The following ERC2 variants were observed in gnomAD, a reference collection of about 807,000 sequenced individuals.
ERC2 encodes ERC protein 2.
A neutral mutation model predicts 114.8 loss-of-function variants in ERC2; 42 were observed. The ratio of observed to expected loss-of-function variants is 0.37; its 90% CI spans 0.29 to 0.47. ERC2 has a LOEUF of 0.47. Among genes scored for constraint, ERC2 ranks in the 20% least tolerant of loss-of-function variants. ERC2 has a pLI of 0.99. For synonymous variants in ERC2, 454 were observed against 425.5 expected (o/e 1.07, Z -0.82); for missense variants, 939 against 1,150.7 (o/e 0.82, Z 2.66).
intron 15 of ERC2, among the ~76,000 whole-genome samples, chr3:55,709,721 A>C (rs1307586731): frequency 6.6e-6 from 1 of 152,190 alleles, no homozygotes; most frequent in African/African-American, 2.4e-5. Flanking sequence ...AAAACAAAAC[A>C]AATGACCCCC....
chr3:55,525,657 G>A (rs1228992408), intron 17 of ERC2, among the ~76,000 whole-genome samples: 5 of 152,184 alleles, frequency 3.3e-5, no homozygotes, highest in Non-Finnish European at 5.9e-5. Flanking sequence ...CATGGAATGG[G>A]AAGGGGGGAG....
chr3:56,284,279 C>A (rs2054539863), intron 3 of ERC2, among the ~76,000 whole-genome samples: 1 of 152,116 alleles, frequency 6.6e-6, no homozygotes, highest in Non-Finnish European at 1.5e-5. Context: ...GCATAAAAAG[C>A]CAAATGTGAG....
chr3:56,408,555 G>A (rs1272427508), intron 2 of ERC2, among the ~76,000 whole-genome samples: 1 of 152,100 alleles, frequency 6.6e-6, no homozygotes, highest in Non-Finnish European at 1.5e-5. Flanking sequence ...ACAATGCCTG[G>A]AGAGCCATCA....
chr3:55,833,844 T>C (rs2060735442), intron 14 of ERC2, among the ~76,000 whole-genome samples: 1 of 152,214 alleles, frequency 6.6e-6, no homozygotes, highest in Non-Finnish European at 1.5e-5. Flanking sequence ...GACCCATCTG[T>C]CTGCTGTATT....
intron 3 of ERC2, among the ~76,000 whole-genome samples, chr3:56,270,175 A>C (rs2053569114): frequency 1.4e-5 from 2 of 147,964 alleles, no homozygotes. Flanking sequence ...CACCTAAAAA[A>C]AAAAAAGAAA....
At chr3:55,676,775 G>A (rs1205075345) in intron 17 of ERC2, among the ~76,000 whole-genome samples, 1 of 152,134 alleles carries the variant, frequency 6.6e-6, no homozygotes, top group Non-Finnish European at 1.5e-5. Context: ...TGACAAAAGG[G>A]TGGGAGAGCC....
chr3:55,969,998 G>A (rs1431270382), intron 12 of ERC2, among the ~76,000 whole-genome samples: 1 of 152,110 alleles, frequency 6.6e-6, no homozygotes, highest in Non-Finnish European at 1.5e-5. Context: ...TTCAAGGTAA[G>A]CATCCATTTC....
At chr3:56,450,447 G>A (rs1027239159) in intron 1 of ERC2, among the ~76,000 whole-genome samples, 2 of 152,040 alleles carry the variant, frequency 1.3e-5, no homozygotes, top group Admixed American at 6.5e-5. Flanking sequence ...ATTTCAAAGT[G>A]TTAAATTAAG....
At chr3:55,972,099 C>A (rs2069202460) in intron 12 of ERC2, among the ~76,000 whole-genome samples, 1 of 152,118 alleles carries the variant, frequency 6.6e-6, no homozygotes, top group South Asian at 2.1e-4. Context: ...TCCATCCATC[C>A]ACCTAGTCAT....
chr3:56,392,658 G>A (rs943276035), intron 2 of ERC2, among the ~76,000 whole-genome samples: 5 of 152,022 alleles, frequency 3.3e-5, no homozygotes, highest in African/African-American at 9.7e-5. Context: ...GCTCTATATA[G>A]GGTTAAAATA....
intron 15 of ERC2, among the ~76,000 whole-genome samples, chr3:55,725,002 G>A (rs1469945457): frequency 6.6e-6 from 1 of 152,214 alleles, no homozygotes; most frequent in Admixed American, 6.5e-5. Context: ...TTTAAAAATA[G>A]AGCACAGATG....
intron 12 of ERC2, among the ~76,000 whole-genome samples, chr3:55,977,530 A>C (rs1244804299): frequency 2.0e-5 from 3 of 152,348 alleles, no homozygotes; most frequent in Admixed American, 6.5e-5. Context: ...ACTGCACTTA[A>C]GGGTCATTTT....
chr3:56,191,670 G>A (rs2047793423), intron 3 of ERC2, among the ~76,000 whole-genome samples: 1 of 152,072 alleles, frequency 6.6e-6, no homozygotes, highest in East Asian at 1.9e-4. Context: ...CTAGAAAGAT[G>A]TTGCACATCA....
intron 3 of ERC2, among the ~76,000 whole-genome samples, chr3:56,246,179 G>A (rs142785903): frequency 6.6e-6 from 1 of 150,824 alleles, no homozygotes; most frequent in East Asian, 2.0e-4. Flanking sequence ...GCTTTTCTTG[G>A]CTAATTTATC....
intron 13 of ERC2, among the ~76,000 whole-genome samples, chr3:55,895,400 AG>A (rs1180263530): frequency 1.3e-5 from 2 of 152,260 alleles, no homozygotes; most frequent in Non-Finnish European, 2.9e-5. Context: ...TCCCCTTTAA[AG>A]TGGAGAGGAA....
chr3:55,522,600 C>T (rs922256312), intron 17 of ERC2, among the ~76,000 whole-genome samples: 1 of 149,520 alleles, frequency 6.7e-6, no homozygotes, highest in Non-Finnish European at 1.5e-5. Context: ...AATCTGAGGC[C>T]AGTCACATTT....
At chr3:55,804,138 G>A (rs970477942) in intron 14 of ERC2, among the ~76,000 whole-genome samples, 4 of 152,184 alleles carry the variant, frequency 2.6e-5, no homozygotes, top group African/African-American at 9.7e-5. Flanking sequence ...AAGGGATTAA[G>A]AGATTGAAAA....
intron 17 of ERC2, among the ~76,000 whole-genome samples, chr3:55,615,863 C>T (rs939988304): frequency 4.6e-5 from 7 of 152,294 alleles, no homozygotes; most frequent in Admixed American, 1.3e-4. Context: ...GCCATTTGGC[C>T]GGAGGGCTCT....
intron 7 of ERC2, among the ~76,000 whole-genome samples, chr3:56,064,197 C>T (rs186117954): frequency 5.0e-4 from 76 of 152,250 alleles, no homozygotes; most frequent in Admixed American, 4.3e-3. Flanking sequence ...TTCATACCTG[C>T]CATCTACCTG....
Sources: gnomAD v4.1 joint callset for allele counts (sites outside exome capture counted in the v4.1 genomes callset) on GRCh38, gnomAD v4.1.1 for gene constraint, MANE v1.5 for transcripts, NCBI Gene and HGNC (gene_info 2026-07-23, HGNC 2026-07-21) for gene names.